NUFIP1: variants seen among roughly 807,000 people sequenced by gnomAD.
The protein encoded by NUFIP1 is nuclear FMR1 interacting protein 1.
Under a neutral mutation model 56.2 loss-of-function variants are expected in NUFIP1, and 38 were observed. That is an observed-to-expected ratio of 0.68 (90% CI 0.52 to 0.89). The LOEUF is 0.89. Among genes scored for constraint, NUFIP1 ranks in the 40% least tolerant of loss-of-function variants. The pLI is 0.00. For synonymous variants in NUFIP1, 215 were observed against 212.4 expected (o/e 1.01, Z -0.10); for missense variants, 567 against 605.8 (o/e 0.94, Z 0.67).
Position 44,989,406 on chromosome 13 carries a change from G to A in NUFIP1, c.31C>T (p.Pro11Ser), listed in dbSNP as rs750403801. Residue 11 changes from proline (P) to serine (S), a missense_variant, in exon 1 of 10, where the codon CCT becomes TCT. Transcript: ENST00000379161. The stretch of plus-strand genomic sequence containing the variant: ...TCGGGAGACGCATGCCACCCGATAG[G>A]AGTCTCGAAATCACTAGTCGGCTCA... The part of the protein sequence containing the change: MAEPTSDFET[P>S]IGWHASPELT... 3 of 1,613,556 alleles carry A rather than the reference G, an allele frequency of 1.9e-6. No individual in the cohort carries two copies. The highest frequency in any genetic ancestry group is 2.2e-5 in the East Asian group (1 of 44,858).
chr13:44,969,361 T>C (rs1871723850), intron 5 of NUFIP1, among the ~76,000 whole-genome samples: 1 of 152,154 alleles, frequency 6.6e-6, no homozygotes, highest in African/African-American at 2.4e-5. Context: ...GGAGTTCTGA[T>C]GAAGGAGTTC....
intron 2 of NUFIP1, among the ~76,000 whole-genome samples, chr13:44,981,359 A>G (rs1292892016): frequency 6.6e-6 from 1 of 152,180 alleles, no homozygotes; most frequent in Non-Finnish European, 1.5e-5. Flanking sequence ...AAGAAGGTAT[A>G]AAATATATGT....
At chr13:44,961,401 T>C (rs545073359) in intron 6 of NUFIP1, among the ~76,000 whole-genome samples, 43 of 152,312 alleles carry the variant, frequency 2.8e-4, no homozygotes, top group East Asian at 3.9e-4. Flanking sequence ...TATAGGGACA[T>C]AGAATTCAGA....
At chr13:44,984,620 T>TGACAGCAA (rs1872316276) in intron 1 of NUFIP1, among the ~76,000 whole-genome samples, 1 of 152,084 alleles carries the variant, frequency 6.6e-6, no homozygotes, top group Non-Finnish European at 1.5e-5. Context: ...CTAGCCTGGG[T>TGACAGCAA]GACAGCAAGA....
chr13:44,969,393 TAAC>T (rs892701164), intron 5 of NUFIP1, among the ~76,000 whole-genome samples: 2 of 151,946 alleles, frequency 1.3e-5, no homozygotes, highest in African/African-American at 4.8e-5. Flanking sequence ...GTACAAGAAA[TAAC>T]AAATCCAAAG....
chr13:44,989,393 T>C lies in NUFIP1; in HGVS notation c.44A>G (p.His15Arg), dbSNP rs2137935118. Residue 15 changes from histidine (H) to arginine (R), a missense_variant, in exon 1 of 10, where the codon CAT (histidine) becomes CGT (arginine). His to Arg is a conservative substitution (Grantham distance 29). Transcript: ENST00000379161. ...CGTGGGAGTCAGCTCGGGAGACGCA[T>C]GCCACCCGATAGGAGTCTCGAAATC... Reference protein sequence around the residue: ...TSDFETPIGWHASPELTPTLG... With the variant: ...TSDFETPIGWRASPELTPTLG... 1.9e-6 allele frequency: 3 copies of C among 1,613,628 alleles called. No homozygotes were observed. The highest frequency in any genetic ancestry group is 2.5e-6 in the Non-Finnish European group (3 of 1,179,922).
intron 8 of NUFIP1, among the ~76,000 whole-genome samples, chr13:44,947,102 T>C (rs1233605312): frequency 6.6e-6 from 1 of 152,192 alleles, no homozygotes; most frequent in Admixed American, 6.5e-5. Context: ...TACGCATTAT[T>C]GTGCAGGATG....
intron 6 of NUFIP1, among the ~76,000 whole-genome samples, chr13:44,965,630 C>G (rs1871571159): frequency 6.6e-6 from 1 of 152,128 alleles, no homozygotes; most frequent in Non-Finnish European, 1.5e-5. Context: ...GGAGGTGGAA[C>G]TTGCAGTGAG....
intron 2 of NUFIP1, 63 bp from the exon 3 acceptor site, chr13:44,980,883 C>G: frequency 9.8e-7 from 1 of 1,015,346 alleles, no homozygotes; most frequent in Non-Finnish European, 1.5e-6. Context: ...ATAATAAAAA[C>G]ATAACTATCA....
intron 6 of NUFIP1, among the ~76,000 whole-genome samples, chr13:44,961,163 A>T (rs1237396752): frequency 6.6e-6 from 1 of 152,138 alleles, no homozygotes; most frequent in Non-Finnish European, 1.5e-5. Flanking sequence ...GTTCCTTCAT[A>T]GTAGACAATA....
At chr13:44,959,683 T>C (rs1057481855) in intron 6 of NUFIP1, 109 bp from the exon 7 acceptor site, 49 of 827,422 alleles carry the variant, frequency 5.9e-5, no homozygotes, top group Non-Finnish European at 8.7e-5. Flanking sequence ...ACTGATCACT[T>C]GTAGCCTAGT....
intron 2 of NUFIP1, 58 bp from the exon 3 acceptor site, chr13:44,980,878 A>G: frequency 9.1e-7 from 1 of 1,104,618 alleles, no homozygotes; most frequent in Non-Finnish European, 1.3e-6. Flanking sequence ...AATCAATAAT[A>G]AAAACATAAC....
At chr13:44,981,023 C>T (rs1015713689) in intron 2 of NUFIP1, among the ~76,000 whole-genome samples, 2 of 151,994 alleles carry the variant, frequency 1.3e-5, no homozygotes, top group African/African-American at 4.8e-5. Flanking sequence ...ATTAGTGAAA[C>T]CCAGGCATAA....
chr13:44,978,027 T>G (rs1156921790), intron 5 of NUFIP1, among the ~76,000 whole-genome samples: 1 of 152,176 alleles, frequency 6.6e-6, no homozygotes, highest in Non-Finnish European at 1.5e-5. Flanking sequence ...CCAGCCTCAG[T>G]GACAGAGACT....
At chr13:44,975,787 AG>A (rs1453726819) in intron 5 of NUFIP1, among the ~76,000 whole-genome samples, 20 of 152,190 alleles carry the variant, frequency 1.3e-4, no homozygotes, top group African/African-American at 4.3e-4. Flanking sequence ...GGAGAGTGAA[AG>A]TGCTATAGAC....
chr13:44,988,940 A>G, intron 1 of NUFIP1, 85 bp downstream of exon 1: 1 of 1,369,548 alleles, frequency 7.3e-7, no homozygotes, highest in South Asian at 1.3e-5. Context: ...GGCAAGGCAG[A>G]GTAGAGAGAG....
At chr13:44,964,381 G>C (rs1365180004) in intron 6 of NUFIP1, among the ~76,000 whole-genome samples, 2 of 152,130 alleles carry the variant, frequency 1.3e-5, no homozygotes, top group East Asian at 3.8e-4. Flanking sequence ...ATAAACGATG[G>C]TCTCTATGAC....
rs184105039 is a variant in NUFIP1 at position 44,976,900 on chromosome 13, C to T, written c.734+2290G>A. On this transcript the variant is annotated intron_variant, in intron 5 of 9. Coordinates refer to ENST00000379161, the MANE Select transcript of NUFIP1 (RefSeq NM_012345.3). Reference sequence around the variant, plus strand: ...AGCCCACTCCCTTGACAATTCACTACTCCTTTAATCCATTAATCCACCAAT... The same window carrying T: ...AGCCCACTCCCTTGACAATTCACTATTCCTTTAATCCATTAATCCACCAAT... 1.8e-4 allele frequency among the ~76,000 whole-genome samples: 28 copies of T among 152,304 alleles called. No individual in the cohort carries two copies. The East Asian group carries it at 5.4e-3, about 29-fold the overall frequency.
chr13:44,972,230 TATATAAAGGCTAA>T (rs1871829276), intron 5 of NUFIP1, among the ~76,000 whole-genome samples: 1 of 152,218 alleles, frequency 6.6e-6, no homozygotes, highest in African/African-American at 2.4e-5. Context: ...ATGAAGACTT[TATATAAAGGCTAA>T]ATACTGGAAA....
Sources: allele counts gnomAD v4.1 joint callset (sites outside exome capture counted in the v4.1 genomes callset), GRCh38; gene constraint gnomAD v4.1.1; transcripts MANE v1.5; gene names NCBI Gene and HGNC (gene_info 2026-07-23, HGNC 2026-07-21).